MAGI2: variants seen among roughly 807,000 people sequenced by gnomAD.
MAGI2 encodes the protein membrane associated guanylate kinase, WW and PDZ domain containing 2, also known as membrane-associated guanylate kinase, WW and PDZ domain-containing protein 2.
In MAGI2, 35 loss-of-function variants were observed where a neutral mutation model predicts 133.3. That is an observed-to-expected ratio of 0.26 (90% CI 0.20 to 0.35). The LOEUF (loss-of-function observed/expected upper bound fraction) is 0.35. MAGI2 is among the 10% of genes least tolerant of loss of function. The pLI is 1.00. For synonymous variants in MAGI2, 729 were observed against 710.6 expected (o/e 1.03, Z -0.41); for missense variants, 1,636 against 1,863.4 (o/e 0.88, Z 2.25).
At chr7:78,218,424 T>C (rs577364587) in intron 10 of MAGI2, among the ~76,000 whole-genome samples, 1 of 152,262 alleles carries the variant, frequency 6.6e-6, no homozygotes, top group African/African-American at 2.4e-5. Context: ...TGTTTTATTT[T>C]GGTTTTAATC....
chr7:78,943,112 T>A lies in MAGI2; in HGVS notation c.418+63978A>T, dbSNP rs567353357. Among the ~76,000 whole-genome samples the A allele has an allele frequency of 2.0e-5, 3 of 152,264 alleles. No individual in the cohort carries two copies. In the South Asian group the frequency reaches 6.2e-4, roughly 32 times the overall value. ...CTAATTTGTAAAATAAGGGAAGGTC[T>A]GCACTGCTTACTTCAAGGAGCAGTT... On this transcript the variant is annotated intron_variant, in intron 2 of 21. Coordinates refer to ENST00000354212, the MANE Select transcript of MAGI2 (RefSeq NM_012301.4).
intron 21 of MAGI2, among the ~76,000 whole-genome samples, chr7:78,051,585 G>A (rs1390942535): frequency 2.0e-5 from 3 of 152,092 alleles, no homozygotes; most frequent in African/African-American, 7.2e-5. Context: ...AGATGCTATA[G>A]TTTGGAGATA....
intron 21 of MAGI2, among the ~76,000 whole-genome samples, chr7:78,032,047 T>A (rs9692488): frequency 6.7e-6 from 1 of 148,414 alleles, no homozygotes; most frequent in Non-Finnish European, 1.5e-5. Flanking sequence ...TCCGGCTGTT[T>A]AAAAAGAAAA....
chr7:78,243,162 C>T (rs955126475), intron 10 of MAGI2, among the ~76,000 whole-genome samples: 2 of 150,646 alleles, frequency 1.3e-5, no homozygotes, highest in Non-Finnish European at 3.0e-5. Context: ...CATGAAACAA[C>T]CTCTAAAATA....
chr7:78,244,156 T>G lies in MAGI2; in HGVS notation c.2047+11787A>C, dbSNP rs193218192. ...CTGGTCAACATAGCAAGACCTCATCTCTATTTAAATTAAAAAAAAAAAAAA... is the reference window on the plus strand; with the variant it reads ...CTGGTCAACATAGCAAGACCTCATCGCTATTTAAATTAAAAAAAAAAAAAA... On this transcript the variant is annotated intron_variant, in intron 10 of 21. Transcript: ENST00000354212. Among the ~76,000 whole-genome samples, 577 of 110,416 alleles carry G rather than the reference T, an allele frequency of 5.2e-3. 6 individuals carry two copies. Among genetic ancestry groups the G allele is most frequent in the African/African-American group, 0.02 (546 of 26,892 alleles). 72.4% of individuals were successfully genotyped at this position (110,416 alleles called of 152,430 possible). A position where few individuals can be genotyped will look rare whatever the true frequency, so the allele number is the denominator to read the frequency against.
chr7:78,080,347 A>G (rs1005126548), intron 20 of MAGI2, among the ~76,000 whole-genome samples: 1 of 152,212 alleles, frequency 6.6e-6, no homozygotes, highest in African/African-American at 2.4e-5. Flanking sequence ...CACTGGTATG[A>G]CTTCCACATT....
intron 9 of MAGI2, among the ~76,000 whole-genome samples, chr7:78,336,262 CAG>C (rs1363295497): frequency 2.0e-5 from 3 of 152,142 alleles, no homozygotes; most frequent in Non-Finnish European, 4.4e-5. Context: ...AACCTGGAAT[CAG>C]TAGGTCTGGG....
At chr7:78,529,576 G>C (rs1022508476) in intron 3 of MAGI2, among the ~76,000 whole-genome samples, 1 of 147,804 alleles carries the variant, frequency 6.8e-6, no homozygotes, top group Non-Finnish European at 1.5e-5. Flanking sequence ...GCACTATCTA[G>C]TAAAAATGGA....
chr7:78,535,143 G>T (rs984005515), intron 3 of MAGI2, among the ~76,000 whole-genome samples: 8 of 151,706 alleles, frequency 5.3e-5, no homozygotes, highest in South Asian at 2.1e-4. Flanking sequence ...AAAAAGAAAA[G>T]AAAATAAAAA....
At chr7:79,279,431 C>T (rs1179818833) in intron 1 of MAGI2, among the ~76,000 whole-genome samples, 3 of 152,140 alleles carry the variant, frequency 2.0e-5, no homozygotes, top group African/African-American at 7.2e-5. Context: ...CTGGACAGAG[C>T]CCTAGAAGAG....
intron 5 of MAGI2, among the ~76,000 whole-genome samples, chr7:78,496,709 G>C (rs775195342): frequency 6.6e-6 from 1 of 152,112 alleles, no homozygotes; most frequent in African/African-American, 2.4e-5. Flanking sequence ...TCAAAGTCTC[G>C]TCTATGAAAT....
intron 6 of MAGI2, among the ~76,000 whole-genome samples, chr7:78,409,757 A>G (rs1797701745): frequency 1.3e-5 from 2 of 152,052 alleles, no homozygotes; most frequent in Admixed American, 1.3e-4. Context: ...ATTTAGGTAC[A>G]TGTTTCTTGA....
intron 6 of MAGI2, among the ~76,000 whole-genome samples, chr7:78,409,197 G>T (rs1220805583): frequency 6.6e-6 from 1 of 151,948 alleles, no homozygotes; most frequent in Non-Finnish European, 1.5e-5. Context: ...CTATATTATA[G>T]GTATCATGAG....
chr7:78,893,181 T>A (rs1796912193), intron 2 of MAGI2, among the ~76,000 whole-genome samples: 1 of 151,952 alleles, frequency 6.6e-6, no homozygotes, highest in African/African-American at 2.4e-5. Flanking sequence ...CACAAGGAGA[T>A]ACCATCTCAC....
chr7:78,134,395 C>A (rs949805638), intron 17 of MAGI2: 2 of 152,258 alleles, frequency 1.3e-5, no homozygotes, highest in African/African-American at 4.8e-5. Flanking sequence ...AACCCACTGT[C>A]TCTGGAAATG....
chr7:79,351,003 A>C (rs1446089478), intron 1 of MAGI2, among the ~76,000 whole-genome samples: 1 of 152,154 alleles, frequency 6.6e-6, no homozygotes. Context: ...AGCTCTATTA[A>C]GTAAATGTTA....
intron 1 of MAGI2, among the ~76,000 whole-genome samples, chr7:79,051,779 T>G (rs909994289): frequency 6.6e-6 from 1 of 152,166 alleles, no homozygotes; most frequent in African/African-American, 2.4e-5. Flanking sequence ...AAAATTATCT[T>G]CAAATGTCAG....
chr7:78,632,707 A>C (rs1006743459), intron 2 of MAGI2, among the ~76,000 whole-genome samples: 3 of 152,236 alleles, frequency 2.0e-5, no homozygotes, highest in Non-Finnish European at 4.4e-5. Context: ...GTATGTGCAT[A>C]TACACAGACA....
intron 20 of MAGI2, among the ~76,000 whole-genome samples, chr7:78,109,824 A>C (rs1819177961): frequency 6.6e-6 from 1 of 152,194 alleles, no homozygotes; most frequent in Admixed American, 6.5e-5. Context: ...CTACTGGAAC[A>C]GTTCAGGATA....
Sources: gnomAD v4.1 joint callset for allele counts (sites outside exome capture counted in the v4.1 genomes callset) on GRCh38, gnomAD v4.1.1 for gene constraint, MANE v1.5 for transcripts, NCBI Gene and HGNC (gene_info 2026-07-23, HGNC 2026-07-21) for gene names.